NXNL1: variants seen among roughly 807,000 people sequenced by gnomAD.
The protein encoded by NXNL1 is nucleoredoxin-like protein 1.
NXNL1 carries 6 observed loss-of-function variants against 7.2 expected under a neutral mutation model. The observed-to-expected ratio is 0.83, with a 90% CI of 0.46 to 1.64. The LOEUF is 1.64. NXNL1 is among the 40% of genes most tolerant of loss of function. NXNL1 has a pLI of 0.01. For synonymous variants in NXNL1, 133 were observed against 127.2 expected (o/e 1.05, Z -0.31); for missense variants, 308 against 285.1 (o/e 1.08, Z -0.58).
At chr19:17,458,325 T>C (rs144946269) in intron 1 of NXNL1, among the ~76,000 whole-genome samples, 1,869 of 149,112 alleles carry the variant, frequency 0.013, 17 homozygotes, top group Middle Eastern at 0.032. Context: ...GTTCACACCA[T>C]TCTCTTGCCT....
Position 17,460,774 on chromosome 19 carries a change from G to A in NXNL1, c.96C>T (p.Asn32=). ...TEAEVSRRLE[N]RLVLLFFGAG... The stretch of plus-strand genomic sequence containing the variant: ...CACCAAAGAACAGCAGCACCAGCCG[G>A]TTCTCCAGCCTGCGACTGACCTCAG... Residue 32 remains asparagine (N), a synonymous_variant, in exon 1 of 2, where the codon AAC becomes AAT. Transcript: ENST00000301944. The A allele has an allele frequency of 1.9e-6, 3 of 1,613,806 alleles. No individual in the cohort carries two copies. Among genetic ancestry groups the A allele is most frequent in the Non-Finnish European group, 2.5e-6 (3 of 1,180,020 alleles).
In NXNL1 at chr19:17,455,663, G is replaced by GGCCCC; in HGVS notation, c.622_623insGGGGC (p.Ala208GlyfsTer58). 4.5e-5 allele frequency: 35 copies of GGCCCC among 771,678 alleles called. No individual in the cohort carries two copies. The highest frequency in any genetic ancestry group is 5.3e-5 in the African/African-American group (3 of 56,678). 47.8% of individuals were successfully genotyped at this position (771,678 alleles called of 1,614,324 possible). On this transcript the variant is annotated frameshift_variant, in exon 2 of 2. Coordinates refer to ENST00000301944, the MANE Select transcript of NXNL1 (RefSeq NM_138454.2). LOFTEE classifies it high-confidence loss of function. ...CCTAGCGGGTCAGAACAGCCCCCCG[G>GGCCCC]CCCCGCCCTCCTCCCCACCCCCTCC... is the stretch of plus-strand genomic sequence containing the variant.
intron 1 of NXNL1, among the ~76,000 whole-genome samples, chr19:17,458,216 CTTTCT>C (rs1290257941): frequency 1.6e-5 from 2 of 122,138 alleles, no homozygotes; most frequent in African/African-American, 3.0e-5. Flanking sequence ...CTTTTTCTTT[CTTTCT>C]TTTTTTTTTT....
Position 17,460,891 on chromosome 19 carries a change from G to T in NXNL1, c.-22C>A. On this transcript the variant is annotated 5_prime_UTR_variant, in exon 1 of 2. Transcript: ENST00000301944. ...CCATGGTAACCTGGGTTGGGTGCTGGGGACAGCGCGGCGTGTGGTCCCCGG... is the reference window on the plus strand; with the variant it reads ...CCATGGTAACCTGGGTTGGGTGCTGTGGACAGCGCGGCGTGTGGTCCCCGG... 6.2e-7 allele frequency: 1 copy of T among 1,609,372 alleles called. No homozygotes were observed. The highest frequency in any genetic ancestry group is 8.5e-7 in the Non-Finnish European group (1 of 1,179,258).
chr19:17,460,864 G>A lies in NXNL1; in HGVS notation c.6C>T (p.Ala2=). 1.2e-6 allele frequency: 2 copies of A among 1,613,044 alleles called. No individual in the cohort carries two copies. The highest frequency in any genetic ancestry group is 2.2e-5 in the South Asian group (2 of 91,084). The part of the protein sequence containing the change: M[A]SLFSGRILIR... ...TCAGGATGCGGCCAGAGAACAGGGA[G>A]GCCATGGTAACCTGGGTTGGGTGCT... The change falls in exon 1 of 2, where the codon GCC becomes GCT. Residue 2 remains alanine, a synonymous_variant. Transcript: ENST00000301944.
chr19:17,460,739 C>T lies in NXNL1; in HGVS notation c.131G>A (p.Cys44Tyr). Residue 44 changes from cysteine (C) to tyrosine (Y), a missense_variant, in exon 1 of 2, where the codon TGT becomes TAT. Coordinates refer to ENST00000301944, the MANE Select transcript of NXNL1 (RefSeq NM_138454.2). ...LVLLFFGAGACPQCQAFVPIL... is the reference protein window; with the variant it reads ...LVLLFFGAGAYPQCQAFVPIL... The stretch of plus-strand genomic sequence containing the variant: ...GGGCACGAAGGCCTGGCACTGTGGA[C>T]AAGCCCCAGCACCAAAGAACAGCAG... 1 of 1,613,776 alleles carries T rather than the reference C, an allele frequency of 6.2e-7. No homozygotes were observed. The highest frequency in any genetic ancestry group is 8.5e-7 in the Non-Finnish European group (1 of 1,180,042).
Position 17,455,668 on chromosome 19 carries a change from GCCCTCCTCCCCA to G in NXNL1, c.606_617del (p.Glu204_Gly207del). 2 of 330,288 alleles carry G rather than the reference GCCCTCCTCCCCA, an allele frequency of 6.1e-6. No individual in the cohort carries two copies. The highest frequency in any genetic ancestry group is 9.3e-6 in the Non-Finnish European group (2 of 214,744). 20.5% of individuals were successfully genotyped at this position (330,288 alleles called of 1,614,324 possible). A position where few individuals can be genotyped will look rare whatever the true frequency, so the allele number is the denominator to read the frequency against. Reference sequence around the variant, plus strand: ...CGGGTCAGAACAGCCCCCCGGCCCCGCCCTCCTCCCCACCCCCTCCCCCGGGGTCGCGCCCGC... The same window carrying G: ...CGGGTCAGAACAGCCCCCCGGCCCCGCCCCCTCCCCCGGGGTCGCGCCCGC... On this transcript the variant is annotated inframe_deletion, in exon 2 of 2. Coordinates refer to ENST00000301944, the MANE Select transcript of NXNL1 (RefSeq NM_138454.2).
chr19:17,460,497 A>G, intron 1 of NXNL1, 47 bp downstream of exon 1: 1 of 1,580,996 alleles, frequency 6.3e-7, no homozygotes, highest in Non-Finnish European at 8.6e-7. Context: ...CTTCACTTTC[A>G]GCGAACATGC....
chr19:17,456,868 G>T (rs968301801), intron 1 of NXNL1, among the ~76,000 whole-genome samples: 1 of 151,912 alleles, frequency 6.6e-6, no homozygotes, highest in Non-Finnish European at 1.5e-5. Context: ...CTAACACGGT[G>T]AAACCCCGTC....
chr19:17,456,389 C>T (rs912134062), intron 1 of NXNL1, among the ~76,000 whole-genome samples: 5 of 151,674 alleles, frequency 3.3e-5, no homozygotes, highest in African/African-American at 9.7e-5. Flanking sequence ...CTCAGGAGGC[C>T]GAGGTACCTG....
At chr19:17,456,047 A>G in intron 1 of NXNL1, 88 bp from the exon 2 acceptor site, 1 of 1,559,624 alleles carries the variant, frequency 6.4e-7, no homozygotes, top group Non-Finnish European at 8.6e-7. Flanking sequence ...GTACTTAGGC[A>G]GCGCCTTCTG....
intron 1 of NXNL1, among the ~76,000 whole-genome samples, chr19:17,457,702 T>A (rs891662599): frequency 3.2e-4 from 48 of 152,182 alleles, no homozygotes; most frequent in Non-Finnish European, 6.5e-4. Context: ...ACATCCCGTC[T>A]ACGGGGGATG....
chr19:17,456,061 G>A, intron 1 of NXNL1, 102 bp from the exon 2 acceptor site: 1 of 1,533,434 alleles, frequency 6.5e-7, no homozygotes, highest in Admixed American at 2.0e-5. Context: ...CCTTCTGTGT[G>A]CACTGCCTCT....
At chr19:17,460,201 G>A (rs1754449439) in intron 1 of NXNL1, among the ~76,000 whole-genome samples, 1 of 152,028 alleles carries the variant, frequency 6.6e-6, no homozygotes, top group African/African-American at 2.4e-5. Flanking sequence ...AGTAGAGACA[G>A]GGTTTCACTA....
At chr19:17,456,700 G>A (rs575746083) in intron 1 of NXNL1, among the ~76,000 whole-genome samples, 4 of 152,032 alleles carry the variant, frequency 2.6e-5, no homozygotes, top group Admixed American at 1.3e-4. Flanking sequence ...TAGCCAACAT[G>A]GTTAACAGTT....
In NXNL1 at chr19:17,455,485, G is replaced by A; in HGVS notation, c.*162C>T. On this transcript the variant is annotated 3_prime_UTR_variant, in exon 2 of 2. Transcript: ENST00000301944. ...ACCGGGCTAACTTTTAATTTTCGTA[G>A]AGTCAGGGTCTCACTCTCTTGCCCA... is the stretch of plus-strand genomic sequence containing the variant. The A allele has an allele frequency of 1.7e-6, 1 of 591,752 alleles. No individual in the cohort carries two copies. Among genetic ancestry groups the A allele is most frequent in the South Asian group, 2.1e-5 (1 of 47,018 alleles). The allele number at this position is 591,752 out of a possible 1,614,324, so 36.7% of individuals were successfully genotyped here.
chr19:17,460,554 C>A lies in NXNL1; in HGVS notation c.316G>T (p.Asp106Tyr). Residue 106 changes from aspartate (D) to tyrosine (Y), a missense_variant, in exon 1 of 2, where the codon GAT (aspartate) becomes TAT (tyrosine). Physicochemically the swap from Asp to Tyr is radical, Grantham distance 160. Transcript: ENST00000301944. Reference sequence around the variant, plus strand: ...CCTGCCCCTCCTCACCTCCTCAGATCATCCTCAAAGGGCAGGAAAAGCCAT... The same window carrying A: ...CCTGCCCCTCCTCACCTCCTCAGATAATCCTCAAAGGGCAGGAAAAGCCAT... ...KKWLFLPFEDDLRRDLGRQFS... is the reference protein window; with the variant it reads ...KKWLFLPFEDYLRRDLGRQFS... 1 of 1,600,640 alleles carries A rather than the reference C, an allele frequency of 6.2e-7. No individual in the cohort carries two copies. The highest frequency in any genetic ancestry group is 8.5e-7 in the Non-Finnish European group (1 of 1,179,946).
intron 1 of NXNL1, among the ~76,000 whole-genome samples, chr19:17,457,723 A>C (rs1385769910): frequency 6.6e-6 from 1 of 152,168 alleles, no homozygotes; most frequent in East Asian, 1.9e-4. Flanking sequence ...TGGAATGGGA[A>C]CTGCCCAGAT....
rs1420065249 is a variant in NXNL1 at position 17,460,759 on chromosome 19, C to G, written c.111G>C (p.Leu37=). 4 of 1,613,774 alleles carry G rather than the reference C, an allele frequency of 2.5e-6. No homozygotes were observed. The highest frequency in any genetic ancestry group is 3.3e-5 in the Admixed American group (2 of 60,022). The part of the protein sequence containing the change: ...SRRLENRLVL[L]FFGAGACPQC... ...GTGGACAAGCCCCAGCACCAAAGAA[C>G]AGCAGCACCAGCCGGTTCTCCAGCC... The change falls in exon 1 of 2, where the codon CTG becomes CTC. Residue 37 remains leucine, a synonymous_variant. Coordinates refer to ENST00000301944, the MANE Select transcript of NXNL1 (RefSeq NM_138454.2).
Sources: gnomAD v4.1 joint callset for allele counts (sites outside exome capture counted in the v4.1 genomes callset) on GRCh38, gnomAD v4.1.1 for gene constraint, MANE v1.5 for transcripts, NCBI Gene and HGNC (gene_info 2026-07-23, HGNC 2026-07-21) for gene names.